Variants in TTC7A observed in about 807,000 individuals in gnomAD.
TTC7A encodes tetratricopeptide repeat protein 7A.
TTC7A carries 110 observed loss-of-function variants against 103.7 expected under a neutral mutation model. The observed-to-expected ratio is 1.06, with a 90% CI of 0.91 to 1.24. The LOEUF is 1.24. TTC7A is among the 50% of genes most tolerant of loss of function. TTC7A has a pLI of 0.00. For synonymous variants in TTC7A, 521 were observed against 467.9 expected (o/e 1.11, Z -1.47); for missense variants, 1,340 against 1,116.3 (o/e 1.20, Z -2.86).
Position 46,957,076 on chromosome 2 carries a change from C to T in TTC7A, c.517+69C>T, listed in dbSNP as rs1671937580. 5.1e-6 allele frequency: 8 copies of T among 1,579,670 alleles called. No individual in the cohort carries two copies. In the South Asian group the frequency reaches 6.7e-5, roughly 13 times the overall value. ...CTCGTTGCACTCTGACTCCCAGGGC[C>T]CTGCTGGGCTCGTGTCCAGATTCTT... On this transcript the variant is annotated intron_variant, in intron 3 of 19. Transcript: ENST00000319190.
At chr2:46,996,242 C>G (rs1422304514) in intron 8 of TTC7A, among the ~76,000 whole-genome samples, 2 of 152,184 alleles carry the variant, frequency 1.3e-5, no homozygotes, top group Non-Finnish European at 2.9e-5. Flanking sequence ...CATCAGAAGC[C>G]AAGCACACAG....
intron 11 of TTC7A, among the ~76,000 whole-genome samples, chr2:47,020,017 G>A (rs967206391): frequency 2.0e-5 from 3 of 152,166 alleles, no homozygotes; most frequent in African/African-American, 7.2e-5. Flanking sequence ...AGTTCCAGTA[G>A]CCCTATGTCA....
At chr2:47,023,533 C>G in intron 13 of TTC7A, 68 bp downstream of exon 13, 1 of 1,497,020 alleles carries the variant, frequency 6.7e-7, no homozygotes, top group Non-Finnish European at 9.3e-7. Flanking sequence ...AGCTTTACGT[C>G]ATCAGACCCT....
chr2:47,040,501 T>G (rs1224234083), intron 15 of TTC7A: 1 of 152,312 alleles, frequency 6.6e-6, no homozygotes, highest in Non-Finnish European at 1.5e-5. Flanking sequence ...GAGCATGCTT[T>G]GCCCAGAGCC....
chr2:46,937,169 C>G (rs1670020993), upstream of TTC7A, among the ~76,000 whole-genome samples: 1 of 151,982 alleles, frequency 6.6e-6, no homozygotes, highest in Non-Finnish European at 1.5e-5. This position sits in a 1 kb window ranked among gnomAD's most constrained non-coding sequence, Gnocchi z 4.0. Context: ...AAAATTACTT[C>G]CTTAACAGAT....
intron 2 of TTC7A, chr2:46,917,409 C>A: frequency 1.8e-6 from 1 of 564,262 alleles, no homozygotes; most frequent in East Asian, 3.1e-5. Flanking sequence ...CTGCATCTGC[C>A]ATTCATCCAT....
At position 47,062,165 on chromosome 2, in the gene TTC7A, A is replaced by T. The variant is rs913136492; in HGVS notation, c.2355+1194A>T. 5.3e-5 allele frequency among the ~76,000 whole-genome samples: 8 copies of T among 152,248 alleles called. No homozygotes were observed. In the East Asian group the frequency reaches 1.5e-3, roughly 29 times the overall value. The stretch of plus-strand genomic sequence containing the variant: ...ATAACTCCTAGCATAGTCTAGGCAC[A>T]TACTCAGTAATCATCTGGTGAGAGT... On this transcript the variant is annotated intron_variant, in intron 19 of 19. Transcript: ENST00000319190.
intron 5 of TTC7A, among the ~76,000 whole-genome samples, chr2:46,981,410 C>G (rs1224512563): frequency 6.6e-6 from 1 of 151,922 alleles, no homozygotes; most frequent in African/African-American, 2.4e-5. Flanking sequence ...TGGGGCTGGG[C>G]ACATAGTGGA....
intron 18 of TTC7A, among the ~76,000 whole-genome samples, chr2:47,053,385 C>T (rs1461369644): frequency 6.6e-6 from 1 of 152,232 alleles, no homozygotes; most frequent in Non-Finnish European, 1.5e-5. Context: ...AGCTTCGCAC[C>T]CATGATGGGG....
intron 14 of TTC7A, 29 bp downstream of exon 14, chr2:47,024,388 G>T (rs749953121): frequency 2.5e-6 from 4 of 1,583,034 alleles, no homozygotes; most frequent in Non-Finnish European, 3.4e-6. Flanking sequence ...TAACCCCCGG[G>T]TCCTCGGGGG....
intron 5 of TTC7A, among the ~76,000 whole-genome samples, chr2:46,987,370 G>C (rs1675120504): frequency 6.6e-6 from 1 of 152,196 alleles, no homozygotes; most frequent in South Asian, 2.1e-4. Flanking sequence ...AGCTCTAGGG[G>C]TGAAGCAGTG....
Position 47,073,823 on chromosome 2 carries a change from A to G in TTC7A, c.2477A>G (p.Gln826Arg). The change falls in exon 20 of 20, where the codon CAG becomes CGG. Residue 826 changes from glutamine (Q) to arginine (R), a missense_variant. Physicochemically the swap from Gln to Arg is conservative, Grantham distance 43. Transcript: ENST00000319190. ...GGCCTGGGCGAGGTGCTGCAGGCCC[A>G]GGGCCAGAACGAGGCTGCCGTTGAC... is the stretch of plus-strand genomic sequence containing the variant. The part of the protein sequence containing the change: ...WQGLGEVLQA[Q>R]GQNEAAVDCF... The G allele has an allele frequency of 6.2e-7, 1 of 1,613,698 alleles. No homozygotes were observed. Among genetic ancestry groups the G allele is most frequent in the Non-Finnish European group, 8.5e-7 (1 of 1,179,988 alleles).
At chr2:46,930,656 C>T (rs780071449) in intron 2 of TTC7A, among the ~76,000 whole-genome samples, 9 of 152,128 alleles carry the variant, frequency 5.9e-5, no homozygotes, top group African/African-American at 1.2e-4. Flanking sequence ...CCTGCAACCA[C>T]GTGCAGCTAA....
chr2:46,986,905 G>A (rs975204727), intron 5 of TTC7A, among the ~76,000 whole-genome samples: 1 of 152,200 alleles, frequency 6.6e-6, no homozygotes. Flanking sequence ...AGGAAAGCCT[G>A]GGCCTCCCTG....
intron 3 of TTC7A, among the ~76,000 whole-genome samples, chr2:46,974,363 C>G (rs116344408): frequency 6.6e-6 from 1 of 152,222 alleles, no homozygotes; most frequent in African/African-American, 2.4e-5. Flanking sequence ...CGAGCTGGCA[C>G]CGTCACGGGC....
intron 17 of TTC7A, 43 bp from the exon 18 acceptor site, chr2:47,051,703 G>A: frequency 6.4e-7 from 1 of 1,574,358 alleles, no homozygotes; most frequent in Admixed American, 1.7e-5. Flanking sequence ...TGCAACGTGT[G>A]GACCTCTGAC....
intron 19 of TTC7A, among the ~76,000 whole-genome samples, chr2:47,063,418 C>A (rs895634370): frequency 6.6e-5 from 10 of 152,228 alleles, no homozygotes; most frequent in African/African-American, 1.9e-4. Context: ...CTTTTTCCCA[C>A]TGAGCAAAGA....
At chr2:46,965,467 A>G (rs1347710579) in intron 3 of TTC7A, among the ~76,000 whole-genome samples, 1 of 151,982 alleles carries the variant, frequency 6.6e-6, no homozygotes, top group Admixed American at 6.5e-5. Flanking sequence ...GCAGGCTGCT[A>G]GGGGATCAGG....
intron 14 of TTC7A, among the ~76,000 whole-genome samples, chr2:47,025,962 G>A (rs891745888): frequency 6.6e-6 from 1 of 152,164 alleles, no homozygotes; most frequent in Non-Finnish European, 1.5e-5. Flanking sequence ...TCTAGTGAAC[G>A]ATAAACCTTT....
Sources: allele counts gnomAD v4.1 joint callset (sites outside exome capture counted in the v4.1 genomes callset), GRCh38; gene constraint gnomAD v4.1.1; non-coding constraint Gnocchi (gnomAD v3.1); transcripts MANE v1.5; gene names NCBI Gene and HGNC (gene_info 2026-07-23, HGNC 2026-07-21).